The following IL1RAPL1 variants were observed in gnomAD, a reference collection of about 807,000 sequenced individuals.
The protein encoded by IL1RAPL1 is interleukin 1 receptor accessory protein like 1, also known as interleukin-1 receptor accessory protein-like 1.
A neutral mutation model predicts 48.4 loss-of-function variants in IL1RAPL1; 3 were observed. The observed-to-expected ratio is 0.06, with a 90% CI of 0.03 to 0.16. The LOEUF is 0.16. Among genes scored for constraint, IL1RAPL1 ranks in the 10% least tolerant of loss-of-function variants. The pLI, the probability that IL1RAPL1 is intolerant of heterozygous loss-of-function variation, is 1.00. For missense variants in IL1RAPL1, 349 were observed against 530.6 expected (o/e 0.66, Z 3.36); for synonymous variants, 185 against 187.7 (o/e 0.99, Z 0.12).
At chrX:29,713,511 A>G (rs1237906764) in intron 6 of IL1RAPL1, among the ~76,000 whole-genome samples, 1 of 111,904 alleles carries the variant, frequency 8.9e-6, no homozygotes. Flanking sequence ...CCCCTAGACC[A>G]GAAGCATCAC....
intron 5 of IL1RAPL1, among the ~76,000 whole-genome samples, chrX:29,495,727 C>G (rs111771516): frequency 2.1e-4 from 23 of 112,044 alleles, no homozygotes; most frequent in African/African-American, 6.5e-4. Context: ...CTCGAAATCA[C>G]TAGTGATCTT....
intron 5 of IL1RAPL1, among the ~76,000 whole-genome samples, chrX:29,523,465 A>C: frequency 8.9e-6 from 1 of 112,081 alleles, no homozygotes; most frequent in Middle Eastern, 4.6e-3. Flanking sequence ...AAGTCATTTC[A>C]AACTGAAATT....
At chrX:28,610,128 C>T (rs181292768) in intron 1 of IL1RAPL1, among the ~76,000 whole-genome samples, 1 of 112,196 alleles carries the variant, frequency 8.9e-6, no homozygotes, top group East Asian at 2.8e-4. Flanking sequence ...GTTCTGCCAG[C>T]ACATTCTTGG....
Position 29,094,837 on chromosome X carries a change from TAAA to T in IL1RAPL1, c.83-188086_83-188084del, listed in dbSNP as rs143227525. On this transcript the variant is annotated intron_variant, in intron 2 of 10. Transcript: ENST00000378993. ...TTTAATAGAAAACACACCTAAAAAC[TAAA>T]AAAAAAAAAAAAAAGAAAACAACTA... 6.8e-3 allele frequency among the ~76,000 whole-genome samples: 472 copies of T among 69,174 alleles called. 4 individuals are homozygous for T. The highest frequency in any genetic ancestry group is 0.021 in the African/African-American group (385 of 18,250). 60.1% of individuals were successfully genotyped at this position (69,174 alleles called of 115,157 possible). A position where few individuals can be genotyped will look rare whatever the true frequency, so the allele number is the denominator to read the frequency against.
At chrX:28,926,024 G>A (rs913946398) in intron 2 of IL1RAPL1, among the ~76,000 whole-genome samples, 19 of 112,225 alleles carry the variant, frequency 1.7e-4, no homozygotes, top group African/African-American at 6.2e-4. Flanking sequence ...ATGAATAAGA[G>A]TTGGATGGGT....
chrX:29,585,077 T>C (rs1923112235), intron 5 of IL1RAPL1, among the ~76,000 whole-genome samples: 2 of 112,235 alleles, frequency 1.8e-5, no homozygotes, highest in Non-Finnish European at 3.8e-5. Flanking sequence ...ACATGAGATC[T>C]GCCCTCTTAA....
At chrX:29,847,486 C>T (rs145769984) in intron 6 of IL1RAPL1, among the ~76,000 whole-genome samples, 2,057 of 111,993 alleles carry the variant, frequency 0.018, 48 homozygotes, top group African/African-American at 0.063. Flanking sequence ...AAACAAAATA[C>T]AGCATCATTT....
intron 2 of IL1RAPL1, among the ~76,000 whole-genome samples, chrX:29,122,718 A>G (rs1928821187): frequency 9.0e-6 from 1 of 110,764 alleles, no homozygotes; most frequent in African/African-American, 3.3e-5. Context: ...TCGTTGAATC[A>G]CTGTAAGAGA....
chrX:29,294,819 A>G (rs1416930494), intron 3 of IL1RAPL1, among the ~76,000 whole-genome samples: 1 of 111,641 alleles, frequency 9.0e-6, no homozygotes, highest in African/African-American at 3.3e-5. Context: ...TATATTCCTG[A>G]TAAAGCAAGT....
At chrX:29,172,136 AG>A (rs1211864517) in intron 2 of IL1RAPL1, among the ~76,000 whole-genome samples, 5 of 112,655 alleles carry the variant, frequency 4.4e-5, no homozygotes, top group Non-Finnish European at 9.4e-5. Context: ...TCTTTTCAAA[AG>A]GTTAAGTTAG....
chrX:29,918,843 CATAG>C (rs768334116), intron 7 of IL1RAPL1, among the ~76,000 whole-genome samples: 11 of 111,687 alleles, frequency 9.8e-5, no homozygotes, highest in African/African-American at 3.6e-4. Flanking sequence ...TATGCTTTGG[CATAG>C]ATACTTATTT....
At chrX:29,882,272 G>A (rs939994588) in intron 6 of IL1RAPL1, among the ~76,000 whole-genome samples, 69 of 111,581 alleles carry the variant, frequency 6.2e-4, no homozygotes, top group African/African-American at 2.2e-3. Context: ...CTGCTAACAT[G>A]ACGAGCTTCA....
chrX:29,079,335 T>G (rs766702635), intron 2 of IL1RAPL1, among the ~76,000 whole-genome samples: 1 of 111,606 alleles, frequency 9.0e-6, no homozygotes, highest in South Asian at 3.7e-4. Context: ...TCTTAAATGA[T>G]GCATATGTCC....
intron 5 of IL1RAPL1, among the ~76,000 whole-genome samples, chrX:29,548,947 C>A (rs1921717596): frequency 8.9e-6 from 1 of 111,806 alleles, no homozygotes. Context: ...TTACAAAGTT[C>A]TTATTTTCAA....
intron 2 of IL1RAPL1, among the ~76,000 whole-genome samples, chrX:28,949,114 T>C (rs1257393249): frequency 1.8e-5 from 2 of 110,374 alleles, no homozygotes; most frequent in Non-Finnish European, 3.8e-5. Context: ...TAGAGTGCTT[T>C]AGGTTAGGAA....
chrX:29,010,196 G>A (rs1926089739), intron 2 of IL1RAPL1, among the ~76,000 whole-genome samples: 1 of 111,940 alleles, frequency 8.9e-6, no homozygotes, highest in African/African-American at 3.2e-5. Context: ...CAGTGAAAGA[G>A]ACAGTTTGAC....
At chrX:29,917,042 C>T (rs897626256) in intron 6 of IL1RAPL1, among the ~76,000 whole-genome samples, 4 of 112,054 alleles carry the variant, frequency 3.6e-5, no homozygotes, top group South Asian at 3.7e-4. Context: ...CTCCCACATT[C>T]GAGACTGAGA....
chrX:29,853,134 A>G (rs765499080), intron 6 of IL1RAPL1, among the ~76,000 whole-genome samples: 2 of 106,112 alleles, frequency 1.9e-5, no homozygotes, highest in Non-Finnish European at 3.9e-5. Context: ...GATGGACCCT[A>G]TTTGAAGACT....
chrX:28,731,638 A>G (rs1935757050), intron 1 of IL1RAPL1, among the ~76,000 whole-genome samples: 2 of 111,275 alleles, frequency 1.8e-5, no homozygotes, highest in Non-Finnish European at 3.8e-5. Context: ...AGAGACAGGC[A>G]AAGTCCTAGA....
Sources: gnomAD v4.1 joint callset for allele counts (sites outside exome capture counted in the v4.1 genomes callset) on GRCh38, gnomAD v4.1.1 for gene constraint, MANE v1.5 for transcripts, NCBI Gene and HGNC (gene_info 2026-07-23, HGNC 2026-07-21) for gene names.